The following RGS21 variants were observed in gnomAD, a reference collection of about 807,000 sequenced individuals.
The protein encoded by RGS21 is regulator of G-protein signalling 21.
Under a neutral mutation model 18.7 loss-of-function variants are expected in RGS21, and 19 were observed. That is an observed-to-expected ratio of 1.01 (90% CI 0.71 to 1.49). The LOEUF is 1.49. Among genes scored for constraint, RGS21 ranks in the 40% most tolerant of loss-of-function variants. RGS21 has a pLI of 0.00. For synonymous variants in RGS21, 56 were observed against 57.8 expected, an observed-to-expected ratio of 0.97 and a Z score of 0.14; for missense variants, 194 against 176.8, an observed-to-expected ratio of 1.10 and a Z score of -0.55.
At chr1:192,355,950 C>A (rs1033068522) in intron 4 of RGS21, among the ~76,000 whole-genome samples, 9 of 151,424 alleles carry the variant, frequency 5.9e-5, no homozygotes, top group African/African-American at 2.2e-4. Context: ...CAAATCATAT[C>A]ATGGTGTAAC....
intron 4 of RGS21, among the ~76,000 whole-genome samples, chr1:192,365,381 T>C (rs1277775782): frequency 6.6e-6 from 1 of 152,090 alleles, no homozygotes; most frequent in African/African-American, 2.4e-5. Flanking sequence ...AGGGAGATTA[T>C]ATGTAGATAT....
At chr1:192,346,369 A>C (rs557343911) in intron 2 of RGS21, among the ~76,000 whole-genome samples, 1 of 152,132 alleles carries the variant, frequency 6.6e-6, no homozygotes, top group African/African-American at 2.4e-5. Flanking sequence ...CAAAAGTTTT[A>C]TAAGAATTGC....
At chr1:192,323,658 C>G (rs538075754) in intron 1 of RGS21, among the ~76,000 whole-genome samples, 3 of 152,078 alleles carry the variant, frequency 2.0e-5, no homozygotes, top group Middle Eastern at 3.4e-3. Flanking sequence ...TGCTTAGACG[C>G]TTATGGAGAT....
chr1:192,366,160 G>C lies in RGS21; in HGVS notation c.*36G>C. 1 of 1,194,808 alleles carries C rather than the reference G, an allele frequency of 8.4e-7. No homozygotes were observed. Among genetic ancestry groups the C allele is most frequent in the Non-Finnish European group, 1.2e-6 (1 of 813,116 alleles). 74.0% of individuals were successfully genotyped at this position (1,194,808 alleles called of 1,614,324 possible). The stretch of plus-strand genomic sequence containing the variant: ...AGTTAACTAATCACTATACTTCAGG[G>C]CTACAATATTTTAAATATACAAGCA... On this transcript the variant is annotated 3_prime_UTR_variant, in exon 5 of 5. Transcript: ENST00000417209.
chr1:192,359,793 T>TAC (rs1261447195), intron 4 of RGS21, among the ~76,000 whole-genome samples: 1 of 150,078 alleles, frequency 6.7e-6, no homozygotes, highest in African/African-American at 2.5e-5. Context: ...TATATATATA[T>TAC]ATACACATAG....
chr1:192,357,276 A>G (rs1659124997), intron 4 of RGS21, among the ~76,000 whole-genome samples: 1 of 151,760 alleles, frequency 6.6e-6, no homozygotes, highest in African/African-American at 2.4e-5. Flanking sequence ...TGCCTAGAAG[A>G]CTGGTCCAGC....
At chr1:192,347,134 C>T (rs1658957937) in intron 2 of RGS21, among the ~76,000 whole-genome samples, 179 bp from the exon 3 acceptor site, 1 of 152,138 alleles carries the variant, frequency 6.6e-6, no homozygotes, top group Non-Finnish European at 1.5e-5. Context: ...TGTCAAATTA[C>T]ATCCCACTTT....
intron 1 of RGS21, among the ~76,000 whole-genome samples, chr1:192,322,582 CT>C (rs1658511693): frequency 6.6e-6 from 1 of 151,960 alleles, no homozygotes. Flanking sequence ...TAATTTGTAT[CT>C]TCTAAATCAA....
At chr1:192,359,655 G>GTGTATATATATATATA (rs1553241170) in intron 4 of RGS21, among the ~76,000 whole-genome samples, 10 of 124,274 alleles carry the variant, frequency 8.0e-5, no homozygotes, top group African/African-American at 2.7e-4. Flanking sequence ...GTGTGTGTGT[G>GTGTATATATATATATA]TATATATATA....
chr1:192,338,256 C>T (rs1457173341), intron 1 of RGS21, among the ~76,000 whole-genome samples: 1 of 152,110 alleles, frequency 6.6e-6, no homozygotes, highest in South Asian at 2.1e-4. Flanking sequence ...TAAATTGAAC[C>T]TCATATAGCA....
At chr1:192,340,509 C>T (rs956828319) in intron 1 of RGS21, among the ~76,000 whole-genome samples, 2 of 152,056 alleles carry the variant, frequency 1.3e-5, no homozygotes, top group African/African-American at 4.8e-5. Flanking sequence ...CCTTCCTTCT[C>T]TTAAGGAGGG....
At chr1:192,317,398 A>G (rs1183531946) in intron 1 of RGS21, among the ~76,000 whole-genome samples, 1 of 151,886 alleles carries the variant, frequency 6.6e-6, no homozygotes, top group Non-Finnish European at 1.5e-5. Flanking sequence ...AGAAAAAGAC[A>G]AGAGATAGGA....
chr1:192,343,582 G>A (rs1658905400), intron 2 of RGS21, among the ~76,000 whole-genome samples: 2 of 152,158 alleles, frequency 1.3e-5, no homozygotes, highest in South Asian at 2.1e-4. Context: ...TTGCTTTCAC[G>A]CAGTTCCCAT....
chr1:192,354,896 C>A (rs1384807668), intron 4 of RGS21, among the ~76,000 whole-genome samples: 3 of 151,674 alleles, frequency 2.0e-5, no homozygotes, highest in Non-Finnish European at 4.4e-5. Flanking sequence ...TACAATTAAA[C>A]TATATGAAAC....
chr1:192,331,111 T>A (rs2102224884), intron 1 of RGS21, among the ~76,000 whole-genome samples: 1 of 152,312 alleles, frequency 6.6e-6, no homozygotes, highest in Admixed American at 6.5e-5. Flanking sequence ...TAATGGAACA[T>A]ATGAATCCCT....
rs142453457 is a variant in RGS21 at position 192,352,421 on chromosome 1, G to A, written c.255+208G>A. ...ATTTTTCAACACTTATTATGGGCTAGGTATGACTAATATTTCTGTCTCTTT... is the reference window on the plus strand; with the variant it reads ...ATTTTTCAACACTTATTATGGGCTAAGTATGACTAATATTTCTGTCTCTTT... On this transcript the variant is annotated intron_variant, in intron 4 of 4. Transcript: ENST00000417209. 2.0e-3 allele frequency among the ~76,000 whole-genome samples: 299 copies of A among 151,908 alleles called. 2 individuals carry two copies. Among genetic ancestry groups the A allele is most frequent in the African/African-American group, 7.0e-3 (292 of 41,462 alleles).
At chr1:192,338,611 T>A (rs1557977058) in intron 1 of RGS21, among the ~76,000 whole-genome samples, 1 of 152,066 alleles carries the variant, frequency 6.6e-6, no homozygotes, top group Non-Finnish European at 1.5e-5. Flanking sequence ...TTAACCTCTC[T>A]TTGTCACCTG....
intron 4 of RGS21, among the ~76,000 whole-genome samples, chr1:192,361,030 A>G (rs1659180786): frequency 6.6e-6 from 1 of 152,128 alleles, no homozygotes; most frequent in South Asian, 2.1e-4. Flanking sequence ...CTAAAAATAA[A>G]GTAGATAGCT....
chr1:192,334,921 G>T (rs1658743355), intron 1 of RGS21, among the ~76,000 whole-genome samples: 1 of 152,064 alleles, frequency 6.6e-6, no homozygotes, highest in Admixed American at 6.6e-5. Flanking sequence ...TACAAAGCTT[G>T]AAAGCCTGCC....
Sources: gnomAD v4.1 joint callset for allele counts (sites outside exome capture counted in the v4.1 genomes callset) on GRCh38, gnomAD v4.1.1 for gene constraint, MANE v1.5 for transcripts, NCBI Gene and HGNC (gene_info 2026-07-23, HGNC 2026-07-21) for gene names.